SLC8A1: variants seen among roughly 807,000 people sequenced by gnomAD.
The protein encoded by SLC8A1 is sodium/calcium exchanger 1.
SLC8A1 carries 18 observed loss-of-function variants against 68.3 expected under a neutral mutation model. The observed-to-expected ratio is 0.26, with a 90% confidence interval of 0.18 to 0.39. The LOEUF is 0.39. Ranked by LOEUF, SLC8A1 falls within the 10% of genes least tolerant of loss-of-function variation. The probability of loss-of-function intolerance (pLI) is 1.00; values close to 1 mark genes in which losing one functional copy is unlikely to be tolerated. For synonymous variants in SLC8A1, 475 were observed against 415.5 expected (o/e 1.14, Z -1.74); for missense variants, 985 against 1,156.7 (o/e 0.85, Z 2.15).
chr2:40,300,124 G>T (rs552366338), intron 2 of SLC8A1, among the ~76,000 whole-genome samples: 1 of 152,064 alleles, frequency 6.6e-6, no homozygotes, highest in African/African-American at 2.4e-5. Context: ...CAGCCCTGAG[G>T]GCCCATGAAG....
At chr2:40,190,060 T>C (rs1005273641) in intron 2 of SLC8A1, among the ~76,000 whole-genome samples, 3 of 152,226 alleles carry the variant, frequency 2.0e-5, no homozygotes, top group Non-Finnish European at 4.4e-5. Flanking sequence ...GCCAATGTTG[T>C]TTCCCTAGAA....
chr2:40,166,875 A>C (rs1166070099), intron 4 of SLC8A1, among the ~76,000 whole-genome samples: 1 of 152,236 alleles, frequency 6.6e-6, no homozygotes, highest in Non-Finnish European at 1.5e-5. Context: ...TGGTTTTCTC[A>C]GAAGAAGGAA....
intron 1 of SLC8A1, among the ~76,000 whole-genome samples, chr2:40,511,747 G>A (rs1012092658): frequency 5.3e-5 from 8 of 152,158 alleles, no homozygotes; most frequent in African/African-American, 1.9e-4. Flanking sequence ...GCTCACAGCT[G>A]GTTTCAGCAA....
intron 6 of SLC8A1, among the ~76,000 whole-genome samples, chr2:40,153,878 C>T (rs2043920222): frequency 1.3e-5 from 2 of 152,214 alleles, no homozygotes; most frequent in African/African-American, 4.8e-5. Flanking sequence ...GCACTTCTGT[C>T]CCAGGCTTGC....
chr2:40,323,882 G>T (rs866040648), intron 2 of SLC8A1, among the ~76,000 whole-genome samples: 1 of 152,038 alleles, frequency 6.6e-6, no homozygotes, highest in Non-Finnish European at 1.5e-5. Flanking sequence ...GTATGAGAAA[G>T]GTGTTTCAGG....
intron 6 of SLC8A1, among the ~76,000 whole-genome samples, chr2:40,150,709 C>T (rs191410365): frequency 1.9e-4 from 29 of 152,256 alleles, no homozygotes; most frequent in East Asian, 1.2e-3. Flanking sequence ...TTTTATAATA[C>T]GCAATTTAAG....
rs183964872 is a variant in SLC8A1, at chr2:40,226,644, A to G, written c.1809-48789T>C. On this transcript the variant is annotated intron_variant, in intron 2 of 7. Transcript: ENST00000406785. ...GAAGAGAAGAGCCAACAGTGTAGGT[A>G]TTAAGACAGACTTACATTTTGTTTC... Among the ~76,000 whole-genome samples, 36 of 152,258 alleles carry G rather than the reference A, an allele frequency of 2.4e-4. No homozygotes were observed. In the East Asian group the frequency reaches 6.4e-3, roughly 27 times the overall value.
intron 2 of SLC8A1, among the ~76,000 whole-genome samples, chr2:40,281,086 A>G (rs2067447996): frequency 6.6e-6 from 1 of 152,198 alleles, no homozygotes; most frequent in Non-Finnish European, 1.5e-5. Context: ...GAATGAGCCA[A>G]TGAATGACAG....
chr2:40,251,259 TAGATATAAA>T (rs2062703553), intron 2 of SLC8A1: 1 of 151,988 alleles, frequency 6.6e-6, no homozygotes, highest in South Asian at 2.1e-4. Flanking sequence ...TAGTCAGAGA[TAGATATAAA>T]AAAGAGAAAA....
At chr2:40,334,283 T>C (rs1665228400) in intron 2 of SLC8A1, among the ~76,000 whole-genome samples, 1 of 152,190 alleles carries the variant, frequency 6.6e-6, no homozygotes, top group Non-Finnish European at 1.5e-5. Flanking sequence ...AAAAGTACCA[T>C]GTACTGAATA....
intron 2 of SLC8A1, among the ~76,000 whole-genome samples, chr2:40,411,264 A>G (rs1249463716): frequency 3.9e-5 from 6 of 152,124 alleles, no homozygotes; most frequent in African/African-American, 7.2e-5. Context: ...AATAGCTAGC[A>G]TAACACTTTG....
At position 40,412,595 on chromosome 2, in the gene SLC8A1, G is replaced by T. The variant is rs114510777; in HGVS notation, c.1808+15878C>A. Among the ~76,000 whole-genome samples the T allele has an allele frequency of 1.3e-3, 202 of 152,252 alleles. 2 individuals carry two copies. The highest frequency in any genetic ancestry group is 4.8e-3 in the African/African-American group (198 of 41,566). On this transcript the variant is annotated intron_variant, in intron 2 of 7. Transcript: ENST00000406785. ...TCAGATTGTTTCCTTGCTAGAACAT[G>T]CTTCTGAGGCACTACTGACTGTATA...
intron 2 of SLC8A1, among the ~76,000 whole-genome samples, chr2:40,240,827 A>G (rs774171116): frequency 2.0e-5 from 3 of 152,198 alleles, no homozygotes; most frequent in Non-Finnish European, 4.4e-5. Context: ...GCAGTGAACC[A>G]TGATCATTGC....
intron 1 of SLC8A1, among the ~76,000 whole-genome samples, chr2:40,509,065 G>C (rs952319441): frequency 1.3e-5 from 2 of 152,158 alleles, no homozygotes; most frequent in African/African-American, 2.4e-5. Context: ...TCTTGAATTT[G>C]TTTCCCTTGT....
At chr2:40,369,927 T>C (rs1351154178) in intron 2 of SLC8A1, among the ~76,000 whole-genome samples, 1 of 152,126 alleles carries the variant, frequency 6.6e-6, no homozygotes, top group Non-Finnish European at 1.5e-5. Flanking sequence ...ATTCAAAATT[T>C]ATTCTTTGTT....
At chr2:40,300,604 A>T (rs573627361) in intron 2 of SLC8A1, among the ~76,000 whole-genome samples, 1 of 152,178 alleles carries the variant, frequency 6.6e-6, no homozygotes, top group Non-Finnish European at 1.5e-5. Context: ...AATTCTCCAC[A>T]GTTCAAACCT....
intron 2 of SLC8A1, among the ~76,000 whole-genome samples, chr2:40,243,411 G>C (rs1375880439): frequency 6.6e-6 from 1 of 152,148 alleles, no homozygotes; most frequent in Non-Finnish European, 1.5e-5. Flanking sequence ...TTGAGCCTAG[G>C]AGGTAGATGT....
intron 2 of SLC8A1, among the ~76,000 whole-genome samples, chr2:40,230,755 G>C (rs138308873): frequency 1.3e-5 from 2 of 152,042 alleles, no homozygotes; most frequent in African/African-American, 4.8e-5. Context: ...CAGCTTACAA[G>C]AACAAAAAAT....
intron 2 of SLC8A1, among the ~76,000 whole-genome samples, chr2:40,308,151 T>G (rs1234508845): frequency 6.6e-6 from 1 of 152,192 alleles, no homozygotes; most frequent in Non-Finnish European, 1.5e-5. Context: ...AAGCACCAAG[T>G]GCTTAGTGTG....
Sources: gnomAD v4.1 joint callset for allele counts (sites outside exome capture counted in the v4.1 genomes callset) on GRCh38, gnomAD v4.1.1 for gene constraint, MANE v1.5 for transcripts, NCBI Gene and HGNC (gene_info 2026-07-23, HGNC 2026-07-21) for gene names.